The following ACYP2 variants were observed in gnomAD, a reference collection of about 807,000 sequenced individuals.
ACYP2 encodes the protein acylphosphatase 2.
ACYP2 carries 12 observed loss-of-function variants against 11.2 expected under a neutral mutation model. That is an observed-to-expected ratio of 1.08 (90% confidence interval 0.69 to 1.74). The LOEUF (loss-of-function observed/expected upper bound fraction) is 1.74. Among genes scored for constraint, ACYP2 ranks in the 40% most tolerant of loss-of-function variants. ACYP2 has a pLI of 0.00. For synonymous variants in ACYP2, 43 were observed against 32.2 expected (o/e 1.33, Z -1.13); for missense variants, 134 against 101.9 (o/e 1.31, Z -1.35).
At chr2:54,199,675 A>C (rs1028688980) in intron 6 of ACYP2, among the ~76,000 whole-genome samples, 1 of 152,244 alleles carries the variant, frequency 6.6e-6, no homozygotes, top group African/African-American at 2.4e-5. Context: ...ACTTAGGAAG[A>C]TGGAAAAGAC....
At chr2:54,187,749 A>G (rs1019512092) in intron 6 of ACYP2, among the ~76,000 whole-genome samples, 1 of 152,168 alleles carries the variant, frequency 6.6e-6, no homozygotes, top group African/African-American at 2.4e-5. Context: ...CACTGCTATC[A>G]GCATAAGCCA....
At chr2:54,122,108 G>A (rs986277318) in intron 4 of ACYP2, among the ~76,000 whole-genome samples, 1 of 152,172 alleles carries the variant, frequency 6.6e-6, no homozygotes, top group Non-Finnish European at 1.5e-5. Flanking sequence ...GTCATTAAGG[G>A]CTGCTTTGTA....
intron 4 of ACYP2, among the ~76,000 whole-genome samples, chr2:54,061,044 A>C (rs954432051): frequency 1.3e-5 from 2 of 152,118 alleles, no homozygotes; most frequent in South Asian, 4.1e-4. Flanking sequence ...TCATAGAGGC[A>C]TGGTCTCCCT....
intron 6 of ACYP2, among the ~76,000 whole-genome samples, chr2:54,246,695 T>C (rs918978073): frequency 6.6e-6 from 1 of 152,204 alleles, no homozygotes; most frequent in African/African-American, 2.4e-5. Context: ...AGTTTCTTTC[T>C]CTTAGTAATT....
chr2:54,175,332 T>C (rs1683411655), intron 6 of ACYP2, among the ~76,000 whole-genome samples: 1 of 152,216 alleles, frequency 6.6e-6, no homozygotes, highest in South Asian at 2.1e-4. Flanking sequence ...GTGTTTTTAG[T>C]ATTCTCTGAT....
intron 2 of ACYP2, among the ~76,000 whole-genome samples, chr2:53,991,175 T>C (rs1672273865): frequency 6.6e-6 from 1 of 152,210 alleles, no homozygotes; most frequent in Non-Finnish European, 1.5e-5. Context: ...CATCATCAGA[T>C]GTTGTGATTT....
rs564493331 is a variant in ACYP2, at chr2:54,173,152, C to A, written c.404+34404C>A. Among the ~76,000 whole-genome samples the A allele has an allele frequency of 1.4e-4, 22 of 152,316 alleles. No individual in the cohort carries two copies. The South Asian group carries it at 4.6e-3, about 32-fold the overall frequency. On this transcript the variant is annotated intron_variant, in intron 6 of 6. Coordinates refer to ENST00000607452, the MANE Select transcript of ACYP2 (RefSeq NM_001320586.2). ...CTTCCACAATGGTTGAACTAATTTA[C>A]ACTCCCACCAACGTGTAAAAGCATT...
chr2:53,997,426 C>G (rs1003911366), intron 2 of ACYP2, among the ~76,000 whole-genome samples: 1 of 152,122 alleles, frequency 6.6e-6, no homozygotes, highest in African/African-American at 2.4e-5. Flanking sequence ...ATGCCTCAGC[C>G]TACTGAGTAG....
At chr2:54,077,780 T>C (rs1189034856) in intron 4 of ACYP2, among the ~76,000 whole-genome samples, 3 of 152,208 alleles carry the variant, frequency 2.0e-5, no homozygotes, top group Non-Finnish European at 4.4e-5. Flanking sequence ...TAAGGTGTTA[T>C]GTAAATTAGT....
intron 6 of ACYP2, among the ~76,000 whole-genome samples, chr2:54,264,083 G>C (rs1009965614): frequency 6.6e-6 from 1 of 152,128 alleles, no homozygotes; most frequent in South Asian, 2.1e-4. Context: ...ACGGACCCTC[G>C]CGATGAGTGT....
At chr2:54,017,441 G>A (rs1673760019) in intron 2 of ACYP2, among the ~76,000 whole-genome samples, 2 of 151,776 alleles carry the variant, frequency 1.3e-5, no homozygotes, top group African/African-American at 4.8e-5. Flanking sequence ...CTTTAGTAGA[G>A]ATGGGGTTTC....
chr2:54,260,881 T>TA (rs202034370), intron 6 of ACYP2, among the ~76,000 whole-genome samples: 3,648 of 151,970 alleles, frequency 0.024, 92 homozygotes, highest in Middle Eastern at 0.027. Flanking sequence ...AGGCAGGAGC[T>TA]AAAAAACATG....
At chr2:54,166,402 ATG>A (rs534323040) in intron 6 of ACYP2, among the ~76,000 whole-genome samples, 25 of 152,352 alleles carry the variant, frequency 1.6e-4, no homozygotes, top group East Asian at 9.6e-4. Flanking sequence ...ACACAGAAGA[ATG>A]TGTATACAGA....
chr2:54,166,154 G>C lies in ACYP2; in HGVS notation c.404+27406G>C, dbSNP rs1682962043. Among the ~76,000 whole-genome samples, 3 of 152,314 alleles carry C rather than the reference G, an allele frequency of 2.0e-5. No homozygotes were observed. In the South Asian group the frequency reaches 6.2e-4, roughly 32 times the overall value. Reference sequence around the variant, plus strand: ...GTTAGTCAGTCAAGGAAACCAAAGTGTGTGCGCTCCACTTGACCATGGTGT... The same window carrying C: ...GTTAGTCAGTCAAGGAAACCAAAGTCTGTGCGCTCCACTTGACCATGGTGT... On this transcript the variant is annotated intron_variant, in intron 6 of 6. Transcript: ENST00000607452.
chr2:54,203,760 T>A (rs1684952676), intron 6 of ACYP2, among the ~76,000 whole-genome samples: 1 of 152,188 alleles, frequency 6.6e-6, no homozygotes. Flanking sequence ...ATTACCTTGA[T>A]TGCTTATCAT....
intron 6 of ACYP2, among the ~76,000 whole-genome samples, chr2:54,204,216 C>T (rs1437951908): frequency 2.0e-5 from 3 of 151,720 alleles, no homozygotes; most frequent in East Asian, 3.9e-4. Flanking sequence ...CCAGGCTGGT[C>T]TCGAACTCCT....
At chr2:54,200,100 A>G (rs1684694178) in intron 6 of ACYP2, among the ~76,000 whole-genome samples, 1 of 152,200 alleles carries the variant, frequency 6.6e-6, no homozygotes, top group African/African-American at 2.4e-5. Flanking sequence ...TTCACATGAA[A>G]AGGAAAGTGT....
At chr2:54,278,241 T>A (rs139588869) in intron 6 of ACYP2, among the ~76,000 whole-genome samples, 1,537 of 152,270 alleles carry the variant, frequency 0.01, 25 homozygotes, top group African/African-American at 0.035. Flanking sequence ...GACTCCCAAA[T>A]TGCTGGGATT....
At chr2:54,299,399 C>T (rs1660829706) in intron 6 of ACYP2, among the ~76,000 whole-genome samples, 1 of 151,882 alleles carries the variant, frequency 6.6e-6, no homozygotes, top group African/African-American at 2.4e-5. Context: ...TGAGAGCGGC[C>T]TGACCAACAC....
Sources: gnomAD v4.1 joint callset for allele counts (sites outside exome capture counted in the v4.1 genomes callset) on GRCh38, gnomAD v4.1.1 for gene constraint, MANE v1.5 for transcripts, NCBI Gene and HGNC (gene_info 2026-07-23, HGNC 2026-07-21) for gene names.